The following ADAMTS17 variants were observed in gnomAD, a reference collection of about 807,000 sequenced individuals.
ADAMTS17 encodes the protein A disintegrin and metalloproteinase with thrombospondin motifs 17.
In ADAMTS17, 113 loss-of-function variants were observed where a neutral mutation model predicts 141.5. The observed-to-expected ratio is 0.80, with a 90% CI of 0.69 to 0.93. ADAMTS17 has a LOEUF of 0.93. ADAMTS17 is among the 40% of genes least tolerant of loss of function. The pLI is 0.00. For synonymous variants in ADAMTS17, 768 were observed against 630.6 expected (o/e 1.22, Z -3.27); for missense variants, 1,659 against 1,517.9 (o/e 1.09, Z -1.54).
intron 10 of ADAMTS17, among the ~76,000 whole-genome samples, chr15:100,134,084 G>C (rs1460323510): frequency 6.6e-6 from 1 of 152,216 alleles, no homozygotes; most frequent in Non-Finnish European, 1.5e-5. Flanking sequence ...AGCAGACACA[G>C]CCAGTGTCCT....
intron 18 of ADAMTS17, among the ~76,000 whole-genome samples, chr15:100,038,953 G>A (rs984233775): frequency 6.6e-6 from 1 of 152,188 alleles, no homozygotes; most frequent in East Asian, 1.9e-4. Flanking sequence ...GTGGGTTCTT[G>A]GCAGATGCTC....
intron 8 of ADAMTS17, among the ~76,000 whole-genome samples, chr15:100,160,542 T>C (rs1276437652): frequency 3.9e-5 from 6 of 152,230 alleles, no homozygotes; most frequent in Non-Finnish European, 5.9e-5. Flanking sequence ...CCTCTTCTCC[T>C]GGCCAGAGAA....
At chr15:100,119,892 T>A (rs1027029949) in intron 12 of ADAMTS17, among the ~76,000 whole-genome samples, 14 of 152,234 alleles carry the variant, frequency 9.2e-5, no homozygotes, top group African/African-American at 3.4e-4. Context: ...CCTTCCTACC[T>A]GGAGCATCTC....
intron 7 of ADAMTS17, among the ~76,000 whole-genome samples, chr15:100,204,145 A>C (rs546125205): frequency 2.0e-5 from 3 of 152,340 alleles, no homozygotes; most frequent in South Asian, 4.1e-4. Context: ...ATAGAAGCTC[A>C]TAACTCTTTA....
intron 8 of ADAMTS17, among the ~76,000 whole-genome samples, chr15:100,171,491 C>A (rs1176177108): frequency 1.3e-5 from 2 of 152,180 alleles, no homozygotes; most frequent in African/African-American, 4.8e-5. Context: ...AACCCTGACC[C>A]CTGCACGCTC....
chr15:99,977,655 A>G (rs1224762334), intron 20 of ADAMTS17, among the ~76,000 whole-genome samples: 1 of 151,492 alleles, frequency 6.6e-6, no homozygotes, highest in Admixed American at 6.6e-5. Context: ...ACCTCAGGCA[A>G]TCTGCCCGCC....
intron 18 of ADAMTS17, among the ~76,000 whole-genome samples, chr15:100,006,920 G>T (rs989568651): frequency 4.4e-4 from 67 of 152,188 alleles, no homozygotes; most frequent in African/African-American, 1.5e-3. Flanking sequence ...ATGCAGGCCA[G>T]GCCAAAGGAA....
At chr15:100,278,216 T>C (rs2044163058) in intron 4 of ADAMTS17, among the ~76,000 whole-genome samples, 1 of 150,516 alleles carries the variant, frequency 6.6e-6, no homozygotes. Flanking sequence ...GTTCTGGAGG[T>C]GGATGGTGGT....
chr15:100,007,417 CTTT>C (rs34259452), intron 18 of ADAMTS17, among the ~76,000 whole-genome samples: 5 of 146,506 alleles, frequency 3.4e-5, no homozygotes, highest in Non-Finnish European at 6.0e-5. Flanking sequence ...TGGTAGAAGA[CTTT>C]TTTTTTTTTT....
At chr15:100,236,217 T>C (rs985760837) in intron 7 of ADAMTS17, among the ~76,000 whole-genome samples, 7 of 148,454 alleles carry the variant, frequency 4.7e-5, no homozygotes, top group Non-Finnish European at 8.9e-5. Context: ...TTTGCACAAG[T>C]AATCATGAAA....
intron 15 of ADAMTS17, among the ~76,000 whole-genome samples, chr15:100,079,645 G>A (rs1260902364): frequency 6.6e-6 from 1 of 152,198 alleles, no homozygotes; most frequent in African/African-American, 2.4e-5. Context: ...CTGGTGGCAA[G>A]TTGATTATAT....
chr15:100,155,114 C>T (rs1350355312), intron 9 of ADAMTS17, 66 bp downstream of exon 9: 5 of 1,611,046 alleles, frequency 3.1e-6, no homozygotes, highest in Admixed American at 1.7e-5. Flanking sequence ...GCTGAGACTC[C>T]AATACTTTTG....
chr15:100,021,657 T>A (rs369514639), intron 18 of ADAMTS17, among the ~76,000 whole-genome samples: 1 of 152,198 alleles, frequency 6.6e-6, no homozygotes, highest in African/African-American at 2.4e-5. Context: ...TCCTTCATAG[T>A]GCCACCCAAG....
At chr15:100,083,313 G>A (rs1328269496) in intron 15 of ADAMTS17, among the ~76,000 whole-genome samples, 4 of 152,116 alleles carry the variant, frequency 2.6e-5, no homozygotes, top group Admixed American at 2.6e-4. Flanking sequence ...GGGGCTGGAA[G>A]CAGACTTTTG....
intron 3 of ADAMTS17, among the ~76,000 whole-genome samples, chr15:100,282,852 A>G (rs2044329378): frequency 6.6e-6 from 1 of 152,242 alleles, no homozygotes. Flanking sequence ...TTAGAGATCT[A>G]GAGAAGCCGA....
intron 10 of ADAMTS17, among the ~76,000 whole-genome samples, chr15:100,134,868 G>C (rs1370508988): frequency 6.6e-6 from 1 of 152,168 alleles, no homozygotes; most frequent in Admixed American, 6.5e-5. Flanking sequence ...TCCCATGATT[G>C]TTCACCCCTC....
Position 100,096,467 on chromosome 15 carries a change from A to C in ADAMTS17, c.2026T>G (p.Cys676Gly). 2 of 1,614,186 alleles carry C rather than the reference A, an allele frequency of 1.2e-6. No homozygotes were observed. The highest frequency in any genetic ancestry group is 1.7e-6 in the Non-Finnish European group (2 of 1,180,038). The change falls in exon 15 of 22, where the codon TGT (cysteine) becomes GGT (glycine). Residue 676 changes from cysteine to glycine, a missense_variant. Cys to Gly is a radical substitution (Grantham distance 159). Transcript: ENST00000268070. ...GCTGCAGACCCGATGATGCCGTCACAGCCGATTTTCTAAAGAACCAGAGGG... is the reference window on the plus strand; with the variant it reads ...GCTGCAGACCCGATGATGCCGTCACCGCCGATTTTCTAAAGAACCAGAGGG... The part of the protein sequence containing the change: ...CVHGKCQKIG[C>G]DGIIGSAAKE...
At chr15:99,995,772 G>C (rs752528278) in intron 19 of ADAMTS17, among the ~76,000 whole-genome samples, 1 of 152,162 alleles carries the variant, frequency 6.6e-6, no homozygotes, top group Non-Finnish European at 1.5e-5. Context: ...TACCAGCTTC[G>C]CGAGCTTCCC....
At chr15:100,079,275 C>A (rs1174333720) in intron 15 of ADAMTS17, among the ~76,000 whole-genome samples, 2 of 152,156 alleles carry the variant, frequency 1.3e-5, no homozygotes, top group African/African-American at 4.8e-5. Flanking sequence ...TTATTCCTAA[C>A]AGCCAAAAAA....
Sources: gnomAD v4.1 joint callset for allele counts (sites outside exome capture counted in the v4.1 genomes callset) on GRCh38, gnomAD v4.1.1 for gene constraint, MANE v1.5 for transcripts, NCBI Gene and HGNC (gene_info 2026-07-23, HGNC 2026-07-21) for gene names.